Variants in TRAK1 observed in about 807,000 individuals in gnomAD.
TRAK1 encodes the protein trafficking kinesin-binding protein 1.
TRAK1 carries 33 observed loss-of-function variants against 92.1 expected under a neutral mutation model. The observed-to-expected ratio is 0.36, with a 90% CI of 0.27 to 0.48. The LOEUF (loss-of-function observed/expected upper bound fraction) is 0.48. Among genes scored for constraint, TRAK1 ranks in the 20% least tolerant of loss-of-function variants. The probability of loss-of-function intolerance (pLI) is 0.99; values close to 1 mark genes in which losing one functional copy is unlikely to be tolerated. For missense variants in TRAK1, 1,123 were observed against 1,257.9 expected (o/e 0.89, Z 1.62); for synonymous variants, 521 against 517.3 (o/e 1.01, Z -0.10).
chr3:42,215,382 T>C (rs1329121488), intron 14 of TRAK1, among the ~76,000 whole-genome samples: 1 of 152,242 alleles, frequency 6.6e-6, no homozygotes, highest in African/African-American at 2.4e-5. Context: ...TAAAATATAC[T>C]GATATTCCTA....
At chr3:42,122,774 C>T (rs1288446725) in intron 1 of TRAK1, among the ~76,000 whole-genome samples, 1 of 152,128 alleles carries the variant, frequency 6.6e-6, no homozygotes, top group Admixed American at 6.5e-5. Context: ...TGAGGTTGGG[C>T]TATTGCTCTG....
intron 15 of TRAK1, among the ~76,000 whole-genome samples, 190 bp downstream of exon 15, chr3:42,219,786 G>GTTTTTTTTTTTTTTTTTT (rs397989334): frequency 3.1e-5 from 2 of 63,498 alleles, no homozygotes; most frequent in African/African-American, 4.3e-5. Context: ...GTTGTTATGT[G>GTTTTTTTTTTTTTTTTTT]TTTTTTTTTT....
At chr3:42,213,035 T>C (rs1017791112) in intron 14 of TRAK1, among the ~76,000 whole-genome samples, 2 of 151,518 alleles carry the variant, frequency 1.3e-5, no homozygotes, top group Admixed American at 6.6e-5. Context: ...AGTAGAACCA[T>C]GTCCTAATTG....
intron 1 of TRAK1, among the ~76,000 whole-genome samples, chr3:42,105,491 C>G (rs528942932): frequency 1.3e-5 from 2 of 152,292 alleles, no homozygotes; most frequent in South Asian, 2.1e-4. Context: ...AAGAAACGAA[C>G]AAAGCCTCCA....
chr3:42,103,775 G>A (rs1472602459), intron 1 of TRAK1, among the ~76,000 whole-genome samples: 1 of 152,150 alleles, frequency 6.6e-6, no homozygotes, highest in African/African-American at 2.4e-5. Flanking sequence ...GAGTGATGCA[G>A]AAGATGGATG....
intron 3 of TRAK1, among the ~76,000 whole-genome samples, chr3:42,177,239 C>A (rs1167900175): frequency 6.6e-6 from 1 of 152,154 alleles, no homozygotes; most frequent in Non-Finnish European, 1.5e-5. Context: ...CTGTGTCTTC[C>A]TAATGTATTT....
intron 2 of TRAK1, among the ~76,000 whole-genome samples, chr3:42,169,954 A>G (rs1198523605): frequency 1.3e-5 from 2 of 152,230 alleles, no homozygotes; most frequent in African/African-American, 4.8e-5. Flanking sequence ...AAATTCCCAG[A>G]TGGAGAAGTG....
intron 10 of TRAK1, among the ~76,000 whole-genome samples, chr3:42,196,956 C>T (rs916964351): frequency 7.0e-6 from 1 of 143,602 alleles, no homozygotes; most frequent in East Asian, 2.0e-4. Flanking sequence ...TCTCCTTTCT[C>T]CTCTCTCTCT....
intron 2 of TRAK1, among the ~76,000 whole-genome samples, chr3:42,138,950 A>C (rs1049836138): frequency 6.9e-6 from 1 of 145,938 alleles, no homozygotes; most frequent in African/African-American, 2.6e-5. Context: ...CTCTTGGAAC[A>C]TCAAAGAGTC....
At chr3:42,030,421 C>T (rs1348639315) in intron 1 of TRAK1, among the ~76,000 whole-genome samples, 1 of 148,558 alleles carries the variant, frequency 6.7e-6, no homozygotes, top group African/African-American at 2.5e-5. Context: ...GTCTGTAATC[C>T]CAGCACTTTG....
At chr3:42,040,679 CCTT>C (rs1295447586) in intron 1 of TRAK1, among the ~76,000 whole-genome samples, 1 of 147,750 alleles carries the variant, frequency 6.8e-6, no homozygotes, top group Non-Finnish European at 1.5e-5. Flanking sequence ...CAGTACTACA[CCTT>C]TTTTTTTTTT....
chr3:42,170,963 A>G lies in TRAK1; in HGVS notation c.287-5851A>G, dbSNP rs369970627. On this transcript the variant is annotated intron_variant, in intron 2 of 15. Coordinates refer to ENST00000327628, the MANE Select transcript of TRAK1 (RefSeq NM_001042646.3). ...CTCAGCCTCCCCAGTGGCTGGGACT[A>G]CAGGTGCCTGCCACCACACCCTGCT... is the stretch of plus-strand genomic sequence containing the variant. 5.4e-3 allele frequency among the ~76,000 whole-genome samples: 824 copies of G among 151,890 alleles called. 14 individuals are homozygous for G. Among genetic ancestry groups the G allele is most frequent in the African/African-American group, 0.019 (785 of 41,414 alleles).
In TRAK1 at chr3:42,210,520, T is replaced by C. The variant is rs1708904395; in HGVS notation, c.1963+535T>C. The stretch of plus-strand genomic sequence containing the variant: ...GGAAGATTCTCAAGTCCCCTGGTGA[T>C]TTCCAAGTGGAGCTGAGCAGTTTTA... On this transcript the variant is annotated intron_variant, in intron 14 of 15. Coordinates refer to ENST00000327628, the MANE Select transcript of TRAK1 (RefSeq NM_001042646.3). 12 of 1,173,744 alleles carry C rather than the reference T, an allele frequency of 1.0e-5. 1 individual carries two copies. The South Asian group carries it at 4.3e-4, about 42-fold the overall frequency. 72.7% of individuals were successfully genotyped at this position (1,173,744 alleles called of 1,614,324 possible).
At chr3:42,122,523 C>G (rs1710022196) in intron 1 of TRAK1, among the ~76,000 whole-genome samples, 1 of 152,080 alleles carries the variant, frequency 6.6e-6, no homozygotes, top group African/African-American at 2.4e-5. Flanking sequence ...TTGACCAGAT[C>G]CATGTTTAGC....
chr3:42,061,220 C>T (rs556883996), intron 1 of TRAK1, among the ~76,000 whole-genome samples: 48 of 152,122 alleles, frequency 3.2e-4, no homozygotes, highest in African/African-American at 1.1e-3. Flanking sequence ...TAACCATTGA[C>T]CTTAAGTTTT....
Position 42,220,022 on chromosome 3 carries a change from C to T in TRAK1, c.2066+426C>T, listed in dbSNP as rs370194019. Among the ~76,000 whole-genome samples, 9 of 151,996 alleles carry T rather than the reference C, an allele frequency of 5.9e-5. No homozygotes were observed. In the East Asian group the frequency reaches 1.4e-3, roughly 23 times the overall value. The stretch of plus-strand genomic sequence containing the variant: ...TTTAGTTAGAAATGGATTCCTAGGC[C>T]GCTCCTTAACCAGCTGAAGTTGACA... On this transcript the variant is annotated intron_variant, in intron 15 of 15. Transcript: ENST00000327628.
At chr3:42,033,349 C>T (rs550123727) in intron 1 of TRAK1, among the ~76,000 whole-genome samples, 1 of 152,284 alleles carries the variant, frequency 6.6e-6, no homozygotes, top group East Asian at 1.9e-4. Flanking sequence ...GAAGCCTGAA[C>T]CTCAAATTCT....
rs577804153 is a variant in TRAK1, at chr3:42,143,726, C to T, written c.286+18112C>T. Reference sequence around the variant, plus strand: ...GTGTCAGGTCATGGTAGGGAGGAGGCTGCTTTTTCGGCTGCAGTAAACCTG... The same window carrying T: ...GTGTCAGGTCATGGTAGGGAGGAGGTTGCTTTTTCGGCTGCAGTAAACCTG... On this transcript the variant is annotated intron_variant, in intron 2 of 15. Coordinates refer to ENST00000327628, the MANE Select transcript of TRAK1 (RefSeq NM_001042646.3). Among the ~76,000 whole-genome samples, 5 of 152,094 alleles carry T rather than the reference C, an allele frequency of 3.3e-5. No homozygotes were observed. The South Asian group carries it at 1.0e-3, about 32-fold the overall frequency.
intron 2 of TRAK1, among the ~76,000 whole-genome samples, chr3:42,134,276 C>G (rs2149184999): frequency 1.4e-5 from 2 of 145,690 alleles, no homozygotes; most frequent in South Asian, 4.5e-4. Context: ...CCTTTCCTTT[C>G]CTTTTACCTT....
Sources: allele counts gnomAD v4.1 joint callset (sites outside exome capture counted in the v4.1 genomes callset), GRCh38; gene constraint gnomAD v4.1.1; transcripts MANE v1.5; gene names NCBI Gene and HGNC (gene_info 2026-07-23, HGNC 2026-07-21).